The following HIVEP3 variants were observed in gnomAD, a reference collection of about 807,000 sequenced individuals.
HIVEP3 encodes the protein transcription factor HIVEP3.
HIVEP3 carries 49 observed loss-of-function variants against 152.8 expected under a neutral mutation model. That is an observed-to-expected ratio of 0.32 (90% CI 0.26 to 0.41). HIVEP3 has a LOEUF of 0.41. Among genes scored for constraint, HIVEP3 ranks in the 10% least tolerant of loss-of-function variants. HIVEP3 has a pLI of 1.00. For missense variants in HIVEP3, 2,790 were observed against 3,103.3 expected (o/e 0.90, Z 2.40); for synonymous variants, 1,269 against 1,289.0 (o/e 0.98, Z 0.33).
intron 5 of HIVEP3, among the ~76,000 whole-genome samples, chr1:41,567,395 G>A (rs1441146912): frequency 1.3e-5 from 2 of 152,198 alleles, no homozygotes; most frequent in Non-Finnish European, 2.9e-5. Context: ...CCAGGAGAGA[G>A]GGGGCAACAG....
intron 1 of HIVEP3, among the ~76,000 whole-genome samples, chr1:41,937,906 A>C (rs899430628): frequency 4.6e-5 from 7 of 152,182 alleles, no homozygotes; most frequent in African/African-American, 1.7e-4. Flanking sequence ...CCAGCACCTT[A>C]AGAGTAGTGT....
chr1:41,807,703 A>G (rs761263048), intron 1 of HIVEP3, among the ~76,000 whole-genome samples: 12 of 152,174 alleles, frequency 7.9e-5, no homozygotes, highest in African/African-American at 1.2e-4. Flanking sequence ...GAAAGGGCCA[A>G]TGCTGTTGGG....
intron 1 of HIVEP3, among the ~76,000 whole-genome samples, chr1:41,911,374 C>A (rs896438144): frequency 3.9e-5 from 6 of 152,086 alleles, no homozygotes; most frequent in African/African-American, 1.4e-4. Context: ...AAAGTTTTTG[C>A]AAGATTAGAG....
At position 41,888,288 on chromosome 1, in the gene HIVEP3, G is replaced by A. The variant is rs1261082278; in HGVS notation, c.-801+30125C>T. Among the ~76,000 whole-genome samples the A allele has an allele frequency of 2.8e-5, 4 of 142,998 alleles. 1 individual carries two copies. The highest frequency in any genetic ancestry group is 6.0e-5 in the Non-Finnish European group (4 of 66,988). The allele number at this position is 142,998 out of a possible 152,430, so 93.8% of individuals were successfully genotyped here. A position where few individuals can be genotyped will look rare whatever the true frequency, so the allele number is the denominator to read the frequency against. On this transcript the variant is annotated intron_variant, in intron 1 of 8. Coordinates refer to ENST00000372583, the MANE Select transcript of HIVEP3 (RefSeq NM_024503.5). ...AGGATGGTCTCAATCTCCTGACTTC[G>A]TAATCTGCCCACCTTGGCCTCCCAA...
At chr1:41,610,489 A>G (rs957299401) in intron 3 of HIVEP3, among the ~76,000 whole-genome samples, 2 of 152,150 alleles carry the variant, frequency 1.3e-5, no homozygotes, top group Non-Finnish European at 2.9e-5. Flanking sequence ...ATCCTACTGG[A>G]TGGTGGGAGG....
chr1:41,574,562 A>T (rs988581408), intron 5 of HIVEP3, among the ~76,000 whole-genome samples: 1 of 151,762 alleles, frequency 6.6e-6, no homozygotes. Flanking sequence ...TTGTCCCCCA[A>T]CCTTATGGAG....
At chr1:41,650,728 AG>A (rs1260854210) in intron 2 of HIVEP3, among the ~76,000 whole-genome samples, 1 of 152,208 alleles carries the variant, frequency 6.6e-6, no homozygotes, top group East Asian at 1.9e-4. Flanking sequence ...GTGCATACAC[AG>A]ACTTAACTGT....
intron 1 of HIVEP3, among the ~76,000 whole-genome samples, chr1:41,930,175 A>G (rs1012661421): frequency 6.6e-6 from 1 of 152,164 alleles, no homozygotes; most frequent in Non-Finnish European, 1.5e-5. Flanking sequence ...GCACACGGCA[A>G]AATTTACACT....
At chr1:41,550,056 G>T (rs1319126987) in intron 5 of HIVEP3, among the ~76,000 whole-genome samples, 3 of 152,124 alleles carry the variant, frequency 2.0e-5, no homozygotes, top group Non-Finnish European at 4.4e-5. Context: ...TTTGTATAAG[G>T]TGTAAGGAAG....
At chr1:41,878,579 C>T (rs1253956025) in intron 1 of HIVEP3, among the ~76,000 whole-genome samples, 1 of 152,182 alleles carries the variant, frequency 6.6e-6, no homozygotes, top group African/African-American at 2.4e-5. Context: ...AAACACCACA[C>T]TCACATCACG....
At chr1:41,569,740 C>T (rs1644224746) in intron 5 of HIVEP3, among the ~76,000 whole-genome samples, 1 of 152,194 alleles carries the variant, frequency 6.6e-6, no homozygotes, top group South Asian at 2.1e-4. Context: ...CAGGCACACA[C>T]ACACACACTT....
At chr1:41,712,720 GC>G (rs1646532744) in intron 1 of HIVEP3, among the ~76,000 whole-genome samples, 1 of 152,198 alleles carries the variant, frequency 6.6e-6, no homozygotes. Flanking sequence ...TGTATCACAG[GC>G]CAGAGCTGGT....
chr1:41,949,003 A>G (rs1387972210), intron 1 of HIVEP3, among the ~76,000 whole-genome samples: 1 of 152,128 alleles, frequency 6.6e-6, no homozygotes, highest in Non-Finnish European at 1.5e-5. Flanking sequence ...AATAACCCAT[A>G]CCTCAAACCT....
intron 6 of HIVEP3, among the ~76,000 whole-genome samples, chr1:41,523,633 T>C (rs1304123814): frequency 2.6e-5 from 4 of 151,998 alleles, no homozygotes; most frequent in Non-Finnish European, 5.9e-5. Context: ...TGAAGAAGGG[T>C]AGGGACCCTG....
At chr1:41,996,839 A>T (rs1237045756) in intron 1 of HIVEP3, among the ~76,000 whole-genome samples, 1 of 152,166 alleles carries the variant, frequency 6.6e-6, no homozygotes. Context: ...CTCAGGGGAA[A>T]ATTTGTTCCC....
At chr1:41,650,886 G>A (rs558887901) in intron 2 of HIVEP3, among the ~76,000 whole-genome samples, 1 of 152,254 alleles carries the variant, frequency 6.6e-6, no homozygotes, top group Non-Finnish European at 1.5e-5. Context: ...GTATTCTCTG[G>A]CACAAATGCA....
intron 1 of HIVEP3, among the ~76,000 whole-genome samples, chr1:41,798,935 A>C (rs1558279382): frequency 6.6e-6 from 1 of 152,126 alleles, no homozygotes; most frequent in Non-Finnish European, 1.5e-5. Flanking sequence ...CAATGTTGAC[A>C]TGAAGAAATT....
At chr1:41,952,210 A>G (rs1645112613) in intron 1 of HIVEP3, among the ~76,000 whole-genome samples, 2 of 152,176 alleles carry the variant, frequency 1.3e-5, no homozygotes, top group Admixed American at 1.3e-4. Context: ...CTAAGTCAAC[A>G]TATTCAAAAT....
intron 1 of HIVEP3, among the ~76,000 whole-genome samples, chr1:41,769,645 C>T (rs919755185): frequency 6.6e-6 from 1 of 152,124 alleles, no homozygotes; most frequent in African/African-American, 2.4e-5. Flanking sequence ...AGGATAAAAC[C>T]TCTAACCTGA....
Sources: gnomAD v4.1 joint callset for allele counts (sites outside exome capture counted in the v4.1 genomes callset) on GRCh38, gnomAD v4.1.1 for gene constraint, MANE v1.5 for transcripts, NCBI Gene and HGNC (gene_info 2026-07-23, HGNC 2026-07-21) for gene names.